The following RABGAP1L variants were observed in gnomAD, a reference collection of about 807,000 sequenced individuals.
RABGAP1L encodes rab GTPase-activating protein 1-like.
A neutral mutation model predicts 137.7 loss-of-function variants in RABGAP1L; 63 were observed. That is an observed-to-expected ratio of 0.46 (90% CI 0.37 to 0.56). The LOEUF is 0.56. RABGAP1L is among the 20% of genes least tolerant of loss of function. RABGAP1L has a pLI of 0.00. For synonymous variants in RABGAP1L, 431 were observed against 433.7 expected (o/e 0.99, Z 0.08); for missense variants, 1,095 against 1,244.0 (o/e 0.88, Z 1.80).
At chr1:174,746,091 C>A (rs940385739) in intron 17 of RABGAP1L, among the ~76,000 whole-genome samples, 17 of 152,334 alleles carry the variant, frequency 1.1e-4, no homozygotes, top group African/African-American at 4.1e-4. Context: ...AATCTGTCAG[C>A]TCTCTCTGAA....
intron 1 of RABGAP1L, among the ~76,000 whole-genome samples, chr1:174,175,411 A>G (rs1367658255): frequency 1.3e-5 from 2 of 151,766 alleles, no homozygotes; most frequent in African/African-American, 4.8e-5. Flanking sequence ...TAAAGCATTC[A>G]GTTTTCCTCT....
At chr1:174,741,135 T>G (rs570456120) in intron 17 of RABGAP1L, among the ~76,000 whole-genome samples, 1 of 152,156 alleles carries the variant, frequency 6.6e-6, no homozygotes, top group Admixed American at 6.5e-5. Flanking sequence ...TTGAGGCCTT[T>G]GTAACAAATT....
At chr1:174,550,538 A>G (rs1666351738) in intron 13 of RABGAP1L, among the ~76,000 whole-genome samples, 1 of 152,072 alleles carries the variant, frequency 6.6e-6, no homozygotes, top group Non-Finnish European at 1.5e-5. Flanking sequence ...CTGACTCATT[A>G]TTTGTCATTA....
chr1:174,692,065 C>T (rs1338038400), intron 15 of RABGAP1L, among the ~76,000 whole-genome samples: 1 of 152,132 alleles, frequency 6.6e-6, no homozygotes, highest in African/African-American at 2.4e-5. Context: ...CATTTGGCTG[C>T]CCCTTGCTTC....
At chr1:174,846,142 G>C (rs1385133822) in intron 19 of RABGAP1L, among the ~76,000 whole-genome samples, 2 of 151,124 alleles carry the variant, frequency 1.3e-5, no homozygotes, top group Admixed American at 1.3e-4. Flanking sequence ...TCTTGCTAGC[G>C]GTCTATCAAT....
In RABGAP1L at chr1:174,344,179, TAGG is replaced by T. The variant is rs749809137; in HGVS notation, c.1466-26799_1466-26797del. Reference sequence around the variant, plus strand: ...AGTTTGTCAGGAATGTTAAGGTATATAGGGTGTCTAAAAGCATATAGTACTTGA... The same window carrying T: ...AGTTTGTCAGGAATGTTAAGGTATATGTGTCTAAAAGCATATAGTACTTGA... On this transcript the variant is annotated intron_variant, in intron 11 of 25. Coordinates refer to ENST00000681986, the MANE Select transcript of RABGAP1L (RefSeq NM_001366446.1). 3.3e-5 allele frequency among the ~76,000 whole-genome samples: 5 copies of T among 152,328 alleles called. No individual in the cohort carries two copies. In the East Asian group the frequency reaches 9.7e-4, roughly 29 times the overall value.
chr1:174,976,593 G>A (rs1171912366), intron 22 of RABGAP1L, among the ~76,000 whole-genome samples: 1 of 152,210 alleles, frequency 6.6e-6, no homozygotes, highest in African/African-American at 2.4e-5. Flanking sequence ...GATCTCTGCT[G>A]GGAGTTGCCA....
chr1:174,641,264 C>A (rs995851580), intron 14 of RABGAP1L, among the ~76,000 whole-genome samples: 1 of 151,972 alleles, frequency 6.6e-6, no homozygotes, highest in Admixed American at 6.6e-5. Context: ...TGAACTGTCA[C>A]ATTAGAGGGA....
chr1:174,874,443 A>G, intron 19 of RABGAP1L: 1 of 984,824 alleles, frequency 1.0e-6, no homozygotes, highest in Non-Finnish European at 1.2e-6. Flanking sequence ...TGAACTGAGG[A>G]CCATCTATTT....
chr1:174,292,809 A>G, intron 10 of RABGAP1L, among the ~76,000 whole-genome samples: 1 of 152,174 alleles, frequency 6.6e-6, no homozygotes, highest in East Asian at 1.9e-4. Flanking sequence ...TAGATCAACA[A>G]TTTCTATGAC....
chr1:174,600,138 C>G (rs966041287), intron 13 of RABGAP1L, among the ~76,000 whole-genome samples: 2 of 152,134 alleles, frequency 1.3e-5, no homozygotes, highest in East Asian at 3.9e-4. Flanking sequence ...AGCAGAAACC[C>G]CTGATAAACC....
chr1:174,500,623 A>G (rs774940318), intron 13 of RABGAP1L, among the ~76,000 whole-genome samples: 3 of 152,198 alleles, frequency 2.0e-5, no homozygotes, highest in Non-Finnish European at 2.9e-5. Context: ...TATAGTAAAT[A>G]CAGTTAAACG....
chr1:174,513,739 C>A (rs1662559071), intron 13 of RABGAP1L, among the ~76,000 whole-genome samples: 1 of 152,118 alleles, frequency 6.6e-6, no homozygotes, highest in Non-Finnish European at 1.5e-5. Flanking sequence ...AAATGCTTTT[C>A]CAGCTTAACA....
chr1:174,415,619 G>A (rs566911913), intron 13 of RABGAP1L, among the ~76,000 whole-genome samples: 21 of 152,030 alleles, frequency 1.4e-4, no homozygotes, highest in Non-Finnish European at 3.1e-4. Flanking sequence ...GTGAAAAGGA[G>A]CAATTTTCAT....
At chr1:174,357,994 CA>C (rs1180879269) in intron 11 of RABGAP1L, among the ~76,000 whole-genome samples, 1 of 152,192 alleles carries the variant, frequency 6.6e-6, no homozygotes, top group Non-Finnish European at 1.5e-5. Flanking sequence ...TAGATACAGA[CA>C]ACTGAAGCAC....
chr1:174,550,868 A>ATATC (rs1666385480), intron 13 of RABGAP1L, among the ~76,000 whole-genome samples: 1 of 76,460 alleles, frequency 1.3e-5, no homozygotes, highest in Non-Finnish European at 2.2e-5. Flanking sequence ...ATATATATAT[A>ATATC]TATATATATA....
chr1:174,428,954 A>G (rs1045924930), intron 13 of RABGAP1L, among the ~76,000 whole-genome samples: 1 of 151,234 alleles, frequency 6.6e-6, no homozygotes, highest in African/African-American at 2.5e-5. Flanking sequence ...CAGTGTGAAT[A>G]TGATACTGAG....
chr1:174,388,552 G>T (rs1180054084), intron 12 of RABGAP1L, among the ~76,000 whole-genome samples: 1 of 151,768 alleles, frequency 6.6e-6, no homozygotes, highest in East Asian at 1.9e-4. Flanking sequence ...AACTAAACGT[G>T]GTAGCAAGAT....
chr1:174,225,604 C>T (rs1316219936), intron 3 of RABGAP1L, among the ~76,000 whole-genome samples: 1 of 149,152 alleles, frequency 6.7e-6, no homozygotes, highest in Non-Finnish European at 1.5e-5. Flanking sequence ...AAAACCTTTG[C>T]TGTGCTTCTT....
Sources: gnomAD v4.1 joint callset for allele counts (sites outside exome capture counted in the v4.1 genomes callset) on GRCh38, gnomAD v4.1.1 for gene constraint, MANE v1.5 for transcripts, NCBI Gene and HGNC (gene_info 2026-07-23, HGNC 2026-07-21) for gene names.